The following PRKG1 variants were observed in gnomAD, a reference collection of about 807,000 sequenced individuals.
The protein encoded by PRKG1 is cGMP-dependent protein kinase 1.
PRKG1 carries 35 observed loss-of-function variants against 88.1 expected under a neutral mutation model. The observed-to-expected ratio is 0.40, with a 90% CI of 0.30 to 0.53. PRKG1 has a LOEUF of 0.53. Ranked by LOEUF, PRKG1 falls within the 20% of genes least tolerant of loss-of-function variation. PRKG1 has a pLI of 0.59. For missense variants in PRKG1, 540 were observed against 839.8 expected, an observed-to-expected ratio of 0.64 and a Z score of 4.41; for synonymous variants, 303 against 292.5, an observed-to-expected ratio of 1.04 and a Z score of -0.37.
intron 3 of PRKG1, among the ~76,000 whole-genome samples, chr10:51,744,533 T>C (rs889595344): frequency 6.6e-6 from 1 of 152,242 alleles, no homozygotes; most frequent in African/African-American, 2.4e-5. Flanking sequence ...TCTCTCAGTA[T>C]AGCTTTGTCC....
intron 2 of PRKG1, among the ~76,000 whole-genome samples, chr10:51,182,494 G>A (rs1438333855): frequency 6.6e-6 from 1 of 152,094 alleles, no homozygotes; most frequent in Non-Finnish European, 1.5e-5. Flanking sequence ...TCTGTTTGTG[G>A]CCAAATACAT....
At chr10:51,446,713 A>C (rs1226981021) in intron 2 of PRKG1, among the ~76,000 whole-genome samples, 1 of 152,064 alleles carries the variant, frequency 6.6e-6, no homozygotes, top group Non-Finnish European at 1.5e-5. Flanking sequence ...CTTTTCTAAA[A>C]TATAGTTTTC....
intron 2 of PRKG1, among the ~76,000 whole-genome samples, chr10:51,327,948 G>A (rs1841634625): frequency 6.6e-6 from 1 of 152,140 alleles, no homozygotes; most frequent in Non-Finnish European, 1.5e-5. Flanking sequence ...ATTACCATAT[G>A]CATTACCACA....
At chr10:51,850,344 T>G (rs1840516621) in intron 4 of PRKG1, among the ~76,000 whole-genome samples, 1 of 152,120 alleles carries the variant, frequency 6.6e-6, no homozygotes, top group Non-Finnish European at 1.5e-5. Flanking sequence ...ACCCAGCTAA[T>G]TTTTGTATTT....
chr10:51,329,698 T>C (rs1377391289), intron 2 of PRKG1, among the ~76,000 whole-genome samples: 1 of 152,148 alleles, frequency 6.6e-6, no homozygotes, highest in Non-Finnish European at 1.5e-5. Context: ...CTGGCTACAG[T>C]ATTCTTAGCT....
chr10:51,966,370 T>G (rs902257994), intron 5 of PRKG1, among the ~76,000 whole-genome samples: 1 of 152,194 alleles, frequency 6.6e-6, no homozygotes, highest in Admixed American at 6.5e-5. Context: ...GAACACTTTC[T>G]TACATATGAA....
At chr10:52,230,662 T>C (rs1365488869) in intron 9 of PRKG1, 1 of 152,216 alleles carries the variant, frequency 6.6e-6, no homozygotes, top group Non-Finnish European at 1.5e-5. Flanking sequence ...CTCACATGGA[T>C]ATAGTATAGG....
At chr10:51,773,033 A>C (rs1293641844) in intron 3 of PRKG1, among the ~76,000 whole-genome samples, 3 of 152,098 alleles carry the variant, frequency 2.0e-5, no homozygotes, top group Non-Finnish European at 4.4e-5. Context: ...GGACCATACA[A>C]AGTCATTGTT....
At chr10:51,298,155 A>G (rs1840771096) in intron 2 of PRKG1, among the ~76,000 whole-genome samples, 1 of 152,168 alleles carries the variant, frequency 6.6e-6, no homozygotes, top group African/African-American at 2.4e-5. Context: ...CATTTTATAG[A>G]TGATAAATTC....
intron 4 of PRKG1, among the ~76,000 whole-genome samples, chr10:51,828,640 T>C (rs1161456588): frequency 6.6e-6 from 1 of 152,176 alleles, no homozygotes; most frequent in African/African-American, 2.4e-5. Flanking sequence ...CCAACAATGT[T>C]AAATTTTGTT....
At chr10:51,813,789 G>A (rs1839516173) in intron 4 of PRKG1, among the ~76,000 whole-genome samples, 1 of 152,010 alleles carries the variant, frequency 6.6e-6, no homozygotes, top group Non-Finnish European at 1.5e-5. Flanking sequence ...TGGAGTACCT[G>A]GGTTTCCTAT....
At chr10:52,102,454 T>C (rs930674834) in intron 7 of PRKG1, among the ~76,000 whole-genome samples, 2 of 152,034 alleles carry the variant, frequency 1.3e-5, no homozygotes, top group African/African-American at 2.4e-5. Context: ...GTCATCCTTA[T>C]AGAAAAATCT....
At chr10:51,137,087 G>T (rs144838547) in intron 1 of PRKG1, among the ~76,000 whole-genome samples, 2 of 151,880 alleles carry the variant, frequency 1.3e-5, no homozygotes, top group Non-Finnish European at 2.9e-5. Context: ...GGGTTTCACC[G>T]TGTTAACCAG....
intron 3 of PRKG1, among the ~76,000 whole-genome samples, chr10:51,665,038 C>T (rs962313989): frequency 2.0e-5 from 3 of 152,110 alleles, no homozygotes; most frequent in African/African-American, 7.2e-5. Flanking sequence ...CACAAACGTT[C>T]TGCTATTCAA....
At chr10:52,069,495 C>T (rs951929302) in intron 7 of PRKG1, among the ~76,000 whole-genome samples, 4 of 152,116 alleles carry the variant, frequency 2.6e-5, no homozygotes, top group African/African-American at 9.7e-5. Context: ...ACACCACTCT[C>T]CTCCAGCCTG....
intron 1 of PRKG1, among the ~76,000 whole-genome samples, chr10:51,151,842 A>G (rs759616470): frequency 1.6e-4 from 24 of 152,156 alleles, no homozygotes; most frequent in Middle Eastern, 3.4e-3. Context: ...GGTTAGACTG[A>G]GGTCTGGATG....
intron 1 of PRKG1, 31 bp downstream of exon 1, chr10:51,074,932 G>A: frequency 6.4e-7 from 1 of 1,551,070 alleles, no homozygotes; most frequent in African/African-American, 1.4e-5. Context: ...GGGTCCATGT[G>A]GCGCCCTGGC....
At chr10:51,902,333 C>T (rs1051830279) in intron 4 of PRKG1, among the ~76,000 whole-genome samples, 14 of 152,048 alleles carry the variant, frequency 9.2e-5, no homozygotes, top group African/African-American at 2.9e-4. Context: ...TCAGGCTGGT[C>T]TTGAACTCCC....
chr10:52,277,656 C>A (rs1283091615), intron 12 of PRKG1, among the ~76,000 whole-genome samples: 1 of 152,020 alleles, frequency 6.6e-6, no homozygotes, highest in Non-Finnish European at 1.5e-5. Context: ...GGAGTTGAGC[C>A]CAGGATTCTT....
Sources: allele counts gnomAD v4.1 joint callset (sites outside exome capture counted in the v4.1 genomes callset), GRCh38; gene constraint gnomAD v4.1.1; transcripts MANE v1.5; gene names NCBI Gene and HGNC (gene_info 2026-07-23, HGNC 2026-07-21).